The following ZNF479 variants were observed in gnomAD, a reference collection of about 807,000 sequenced individuals.
ZNF479 encodes KRAB zinc finger protein KR19.
Under a neutral mutation model 14.7 loss-of-function variants are expected in ZNF479, and 15 were observed. The ratio of observed to expected loss-of-function variants is 1.02; its 90% confidence interval spans 0.68 to 1.57. ZNF479 has a LOEUF of 1.57. Among genes scored for constraint, ZNF479 ranks in the 40% most tolerant of loss-of-function variants. The probability of loss-of-function intolerance (pLI) is 0.00; values close to 1 mark genes in which losing one functional copy is unlikely to be tolerated. For synonymous variants in ZNF479, 145 were observed against 211.5 expected (o/e 0.69, Z 2.73); for missense variants, 506 against 615.1 (o/e 0.82, Z 1.88).
chr7:57,131,800 G>A (rs1229546173), intron 1 of ZNF479, among the ~76,000 whole-genome samples: 1 of 152,020 alleles, frequency 6.6e-6, no homozygotes, highest in Non-Finnish European at 1.5e-5. Context: ...TCTCTCCCAT[G>A]GATCACAACC....
At chr7:57,125,882 A>AG (rs1786144769) in intron 3 of ZNF479, 136 bp downstream of exon 3, 1 of 1,186,352 alleles carries the variant, frequency 8.4e-7, no homozygotes, top group Non-Finnish European at 1.2e-6. Context: ...TGAGAGCAAA[A>AG]GAAAAAAATG....
At position 57,118,420 on chromosome 7, in the gene ZNF479, G is replaced by A. The variant is rs550520055; in HGVS notation, c.*1420C>T. ...AGAGTCTTGCTCTGTCACCCAGGCT[G>A]TAGTGTAGTGGCTCTATCTCAGCTC... is the stretch of plus-strand genomic sequence containing the variant. On this transcript the variant is annotated 3_prime_UTR_variant, in exon 4 of 4. Coordinates refer to ENST00000319636, the MANE Select transcript of ZNF479 (RefSeq NM_001370129.2). Among the ~76,000 whole-genome samples the A allele has an allele frequency of 6.6e-6, 1 of 152,138 alleles. No individual in the cohort carries two copies. The highest frequency in any genetic ancestry group is 2.4e-5 in the African/African-American group (1 of 41,432).
At chr7:57,131,521 C>T (rs535064366) in intron 1 of ZNF479, among the ~76,000 whole-genome samples, 1 of 149,512 alleles carries the variant, frequency 6.7e-6, no homozygotes, top group East Asian at 2.1e-4. Context: ...TGAGATCGCA[C>T]CACTGCACTC....
upstream of ZNF479, among the ~76,000 whole-genome samples, chr7:57,134,428 G>A (rs1050796033): frequency 1.8e-4 from 28 of 152,032 alleles, no homozygotes; most frequent in Admixed American, 1.6e-3. Flanking sequence ...TACCTTACAT[G>A]GTCTAAAAAG....
chr7:57,125,604 A>G (rs1334927546), intron 3 of ZNF479, among the ~76,000 whole-genome samples: 13 of 151,898 alleles, frequency 8.6e-5, no homozygotes. Flanking sequence ...CATGTGCAGA[A>G]AAATGGATGA....
At position 57,132,285 on chromosome 7, in the gene ZNF479, C is replaced by T. The variant is rs1786466600; in HGVS notation, c.39+1G>A. ...CTCACGATGACAGACCCAGCACTCA[C>T]CATTTCTCGGCTTCCAGGGGGTCCT... is the stretch of plus-strand genomic sequence containing the variant. On this transcript the variant is annotated splice_donor_variant, in intron 1 of 3. Transcript: ENST00000319636. LOFTEE classifies it high-confidence loss of function. 3 of 1,614,092 alleles carry T rather than the reference C, an allele frequency of 1.9e-6. No individual in the cohort carries two copies. The highest frequency in any genetic ancestry group is 1.7e-6 in the Non-Finnish European group (2 of 1,180,006).
At chr7:57,139,435 T>C (rs1438065384) in intron 1 of ZNF479, among the ~76,000 whole-genome samples, 1 of 152,220 alleles carries the variant, frequency 6.6e-6, no homozygotes, top group African/African-American at 2.4e-5. Context: ...TACTTAACCA[T>C]ATCTCGCAAG....
chr7:57,138,668 A>G (rs964009850), intron 1 of ZNF479, among the ~76,000 whole-genome samples: 1 of 152,202 alleles, frequency 6.6e-6, no homozygotes, highest in Non-Finnish European at 1.5e-5. Context: ...TTTAAGAAAA[A>G]TCACAGGTGA....
Position 57,120,900 on chromosome 7 carries a change from GA to G in ZNF479, c.514del (p.Ser172ProfsTer29). On this transcript the variant is annotated frameshift_variant, in exon 4 of 4. Coordinates refer to ENST00000319636, the MANE Select transcript of ZNF479 (RefSeq NM_001370129.2). LOFTEE classifies it low-confidence loss of function (END_TRUNC). The stretch of plus-strand genomic sequence containing the variant: ...AGTATATCTTGTTTTATCTCTATTG[GA>G]ATTTGAAAATTTACCAAAGACTTTG... The part of the protein sequence containing the change: ...YVKVFGKFSN[S>X]NRDKTRYTGN... The G allele has an allele frequency of 1.2e-6, 2 of 1,613,700 alleles. No homozygotes were observed. The highest frequency in any genetic ancestry group is 1.7e-6 in the Non-Finnish European group (2 of 1,179,900).
At chr7:57,122,451 C>G (rs1310084795) in intron 3 of ZNF479, among the ~76,000 whole-genome samples, 1 of 151,702 alleles carries the variant, frequency 6.6e-6, no homozygotes, top group African/African-American at 2.4e-5. Context: ...AAATACATAA[C>G]TTTCTGAAAA....
At chr7:57,122,496 A>G (rs1379237059) in intron 3 of ZNF479, among the ~76,000 whole-genome samples, 2 of 152,060 alleles carry the variant, frequency 1.3e-5, no homozygotes, top group Non-Finnish European at 2.9e-5. Flanking sequence ...ATTCTGTGGC[A>G]TTATTGTGAT....
At position 57,119,152 on chromosome 7, in the gene ZNF479, T is replaced by C. The variant is rs1785793171; in HGVS notation, c.*688A>G. On this transcript the variant is annotated 3_prime_UTR_variant, in exon 4 of 4. Coordinates refer to ENST00000319636, the MANE Select transcript of ZNF479 (RefSeq NM_001370129.2). ...TGAGGACTTTTTAAAGACATTACCA[T>C]ATTCCTTATTGTAGGGTTTCTCTTC... Among the ~76,000 whole-genome samples the C allele has an allele frequency of 6.6e-6, 1 of 152,224 alleles. No homozygotes were observed. Among genetic ancestry groups the C allele is most frequent in the Non-Finnish European group, 1.5e-5 (1 of 68,034 alleles).
intron 1 of ZNF479, among the ~76,000 whole-genome samples, chr7:57,127,173 C>A (rs1786212795): frequency 6.6e-6 from 1 of 151,918 alleles, no homozygotes; most frequent in South Asian, 2.1e-4. Flanking sequence ...CAGGCATGAG[C>A]CACCATGACT....
At chr7:57,130,018 A>C (rs569942048) in intron 1 of ZNF479, among the ~76,000 whole-genome samples, 15 of 152,366 alleles carry the variant, frequency 9.8e-5, no homozygotes, top group South Asian at 8.3e-4. Context: ...ATCACTAAAC[A>C]TCCACATCAA....
rs1785750331 is a variant in ZNF479 at position 57,117,786 on chromosome 7, G to A, written c.*2054C>T. On this transcript the variant is annotated 3_prime_UTR_variant, in exon 4 of 4. Transcript: ENST00000319636. ...CTGATCAAATACTTTCACAAACAAT[G>A]GGAAGAGTCAACATGACGGAATCTG... Among the ~76,000 whole-genome samples the A allele has an allele frequency of 6.6e-6, 1 of 152,260 alleles. No homozygotes were observed. Among genetic ancestry groups the A allele is most frequent in the Non-Finnish European group, 1.5e-5 (1 of 68,044 alleles).
At chr7:57,122,200 A>G (rs1219778890) in intron 3 of ZNF479, among the ~76,000 whole-genome samples, 1 of 152,144 alleles carries the variant, frequency 6.6e-6, no homozygotes, top group Admixed American at 6.6e-5. Context: ...ACAGCCAGTG[A>G]ATTTGTAAAC....
intron 3 of ZNF479, among the ~76,000 whole-genome samples, chr7:57,124,280 G>A (rs998976300): frequency 1.3e-5 from 2 of 152,152 alleles, no homozygotes; most frequent in African/African-American, 2.4e-5. Flanking sequence ...ATAAAGACAT[G>A]ATAGAACAAA....
rs1554400138 is a variant in ZNF479, at chr7:57,120,497, A to C, written c.918T>G (p.Phe306Leu). The C allele has an allele frequency of 6.2e-7, 1 of 1,611,676 alleles. No individual in the cohort carries two copies. The highest frequency in any genetic ancestry group is 1.1e-5 in the South Asian group (1 of 90,990). The change falls in exon 4 of 4, where the codon TTT becomes TTG. Residue 306 changes from phenylalanine to leucine, a missense_variant. Physicochemically the swap from Phe to Leu is conservative, Grantham distance 22. Around this residue, in one of 3 missense-constraint regions of ZNF479, gnomAD observed 420 missense variants for 474.2 expected, o/e 0.89. Transcript: ENST00000319636. ...GGTCAGTGAGGGTTGAGGATACGCT[A>C]AAGGCTTTGCCACATTCTTCACATT... ...PYKCEECGKA[F>L]SVSSTLTDHK...
At chr7:57,130,262 C>G (rs923675857) in intron 1 of ZNF479, among the ~76,000 whole-genome samples, 3 of 152,148 alleles carry the variant, frequency 2.0e-5, no homozygotes, top group African/African-American at 7.2e-5. Context: ...ATCACGAGTT[C>G]AGGGGTTTGA....
Sources: allele counts gnomAD v4.1 joint callset (sites outside exome capture counted in the v4.1 genomes callset), GRCh38; gene constraint gnomAD v4.1.1; regional missense constraint gnomAD v4.1.1; transcripts MANE v1.5; gene names NCBI Gene and HGNC (gene_info 2026-07-23, HGNC 2026-07-21).